The following CACNB4 variants were observed in gnomAD, a reference collection of about 807,000 sequenced individuals.
The protein encoded by CACNB4 is calcium voltage-gated channel auxiliary subunit beta 4.
Under a neutral mutation model 71.2 loss-of-function variants are expected in CACNB4, and 32 were observed. The ratio of observed to expected loss-of-function variants is 0.45; its 90% CI spans 0.34 to 0.60. The LOEUF is 0.60. Ranked by LOEUF, CACNB4 falls within the 20% of genes least tolerant of loss-of-function variation. The pLI is 0.01. For synonymous variants in CACNB4, 231 were observed against 236.9 expected (o/e 0.97, Z 0.23); for missense variants, 464 against 647.9 (o/e 0.72, Z 3.08).
intron 2 of CACNB4, among the ~76,000 whole-genome samples, chr2:151,955,203 C>G (rs2099867939): frequency 1.3e-5 from 2 of 152,106 alleles, no homozygotes; most frequent in African/African-American, 2.4e-5. Flanking sequence ...CAGAGCTGCA[C>G]CTGGTTTAAT....
At chr2:151,895,403 A>G (rs1307113132) in intron 2 of CACNB4, among the ~76,000 whole-genome samples, 3 of 152,194 alleles carry the variant, frequency 2.0e-5, no homozygotes, top group Non-Finnish European at 4.4e-5. Flanking sequence ...GGAGCATGGC[A>G]CAGACCTCCA....
intron 2 of CACNB4, among the ~76,000 whole-genome samples, chr2:151,909,284 A>T (rs6708406): frequency 0.95 from 142,858 of 150,070 alleles, 68,399 homozygotes; most frequent in East Asian, 1. Context: ...TACAAAAAAA[A>T]ATCAGCGGGG....
chr2:151,958,626 A>G (rs770647533), intron 2 of CACNB4, among the ~76,000 whole-genome samples: 3 of 152,180 alleles, frequency 2.0e-5, no homozygotes, highest in African/African-American at 4.8e-5. Flanking sequence ...AACCTGCTGC[A>G]TTTATGACTT....
intron 2 of CACNB4, among the ~76,000 whole-genome samples, chr2:151,922,083 G>A (rs149332472): frequency 6.6e-6 from 1 of 152,236 alleles, no homozygotes; most frequent in Non-Finnish European, 1.5e-5. Flanking sequence ...CATCTCTCTT[G>A]TTCTCTCTCT....
intron 2 of CACNB4, among the ~76,000 whole-genome samples, chr2:152,031,415 A>C (rs1684277565): frequency 6.6e-6 from 1 of 152,220 alleles, no homozygotes; most frequent in South Asian, 2.1e-4. Context: ...AGAAACTGGA[A>C]ACATGGGACT....
At chr2:151,857,987 G>A (rs1424595497) in intron 10 of CACNB4, 5 of 152,162 alleles carry the variant, frequency 3.3e-5, no homozygotes, top group African/African-American at 9.7e-5. Context: ...ATACTGGGGT[G>A]AGCCCAATGT....
rs2151312546 is a variant in CACNB4, at chr2:151,839,071, C to G, written c.*48G>C. Reference sequence around the variant, plus strand: ...TTAAGATGATTGGTTTATCCTAGCACTGCTATGGCAAATTGTCAACAGATG... The same window carrying G: ...TTAAGATGATTGGTTTATCCTAGCAGTGCTATGGCAAATTGTCAACAGATG... On this transcript the variant is annotated 3_prime_UTR_variant, in exon 14 of 14. Transcript: ENST00000539935. The G allele has an allele frequency of 6.4e-7, 1 of 1,551,382 alleles. No homozygotes were observed. The highest frequency in any genetic ancestry group is 2.3e-5 in the East Asian group (1 of 44,368).
At chr2:152,014,438 T>A (rs1683230177) in intron 2 of CACNB4, among the ~76,000 whole-genome samples, 1 of 152,048 alleles carries the variant, frequency 6.6e-6, no homozygotes, top group Non-Finnish European at 1.5e-5. Context: ...ATCTAAAGAA[T>A]CATAATTTTT....
chr2:151,964,077 A>AT (rs2099870382), intron 2 of CACNB4, among the ~76,000 whole-genome samples: 1 of 151,314 alleles, frequency 6.6e-6, no homozygotes, highest in Non-Finnish European at 1.5e-5. Context: ...CAGAAAAAAA[A>AT]AAAAAAAAAA....
chr2:152,022,542 C>G (rs1242658644), intron 2 of CACNB4, among the ~76,000 whole-genome samples: 1 of 152,148 alleles, frequency 6.6e-6, no homozygotes, highest in Non-Finnish European at 1.5e-5. Context: ...TGCAATATTC[C>G]TTTCAAAGAG....
At chr2:151,985,029 A>G (rs911285647) in intron 2 of CACNB4, among the ~76,000 whole-genome samples, 4 of 152,184 alleles carry the variant, frequency 2.6e-5, no homozygotes, top group African/African-American at 9.6e-5. Context: ...CTTCCACAAA[A>G]TACTTGCCTT....
In CACNB4 at chr2:151,853,548, TAGA is replaced by T. The variant is rs1559868717; in HGVS notation, c.1021-8_1021-6del. The T allele has an allele frequency of 7.8e-6, 12 of 1,542,124 alleles. No individual in the cohort carries two copies. Among genetic ancestry groups the T allele is most frequent in the Non-Finnish European group, 9.7e-6 (11 of 1,129,204 alleles). ...TTTAATCAACCGCTGTAAAACCTGA[TAGA>T]AGAAGACATGAACCTGAGGTATTGT... On this transcript the variant is annotated splice_polypyrimidine_tract_variant and splice_region_variant and intron_variant, in intron 11 of 13. Coordinates refer to ENST00000539935, the MANE Select transcript of CACNB4 (RefSeq NM_000726.5).
At chr2:151,872,614 C>T (rs1008322599) in intron 5 of CACNB4, 121 bp from the exon 6 acceptor site, 16 of 601,380 alleles carry the variant, frequency 2.7e-5, no homozygotes, top group Non-Finnish European at 4.1e-5. Context: ...CCAAATTCTG[C>T]TATAAAGAAT....
chr2:152,061,330 G>C (rs139467114), intron 2 of CACNB4, among the ~76,000 whole-genome samples: 60 of 152,126 alleles, frequency 3.9e-4, no homozygotes, highest in African/African-American at 1.3e-3. Flanking sequence ...AATTAATTTA[G>C]TTTTTAAAAA....
At chr2:152,052,047 G>A (rs77924268) in intron 2 of CACNB4, among the ~76,000 whole-genome samples, 2 of 152,306 alleles carry the variant, frequency 1.3e-5, no homozygotes, top group African/African-American at 4.8e-5. Context: ...CACATCATCA[G>A]TACAGCTGCT....
At chr2:152,013,057 A>G (rs1000159252) in intron 2 of CACNB4, among the ~76,000 whole-genome samples, 1 of 152,228 alleles carries the variant, frequency 6.6e-6, no homozygotes. Flanking sequence ...TTGTGTTACA[A>G]TTGGCTACAA....
chr2:152,062,543 A>G (rs912870407), intron 2 of CACNB4, among the ~76,000 whole-genome samples: 10 of 152,218 alleles, frequency 6.6e-5, no homozygotes, highest in African/African-American at 2.4e-4. Context: ...GGGGGTACAT[A>G]CACAGAATGG....
intron 2 of CACNB4, among the ~76,000 whole-genome samples, chr2:151,936,596 C>T (rs1214114723): frequency 6.6e-6 from 1 of 152,210 alleles, no homozygotes; most frequent in Non-Finnish European, 1.5e-5. Flanking sequence ...TTCTGTGCCT[C>T]GGATGTCCTG....
In CACNB4 at chr2:151,891,272, T is replaced by C. The variant is rs537458161; in HGVS notation, c.148-7902A>G. ...AATGGAGATAACAGCAGAAGAATTT[T>C]AATTGACCCCACAAGTACAAGGAGA... On this transcript the variant is annotated intron_variant, in intron 2 of 13. Transcript: ENST00000539935. Among the ~76,000 whole-genome samples, 5 of 152,278 alleles carry C rather than the reference T, an allele frequency of 3.3e-5. 1 individual carries two copies. In the South Asian group the frequency reaches 1.0e-3, roughly 32 times the overall value.
Sources: gnomAD v4.1 joint callset for allele counts (sites outside exome capture counted in the v4.1 genomes callset) on GRCh38, gnomAD v4.1.1 for gene constraint, MANE v1.5 for transcripts, NCBI Gene and HGNC (gene_info 2026-07-23, HGNC 2026-07-21) for gene names.